The following ZNF678 variants were observed in gnomAD, a reference collection of about 807,000 sequenced individuals.
The protein encoded by ZNF678 is hypothetical protein MGC42493.
In ZNF678, 5 loss-of-function variants were observed where a neutral mutation model predicts 3.0. The observed-to-expected ratio is 1.69, with a 90% CI of 0.88 to 3.56. The LOEUF is 3.56. Ranked by LOEUF, ZNF678 falls within the 30% of genes most tolerant of loss-of-function variation. ZNF678 has a pLI of 0.00. For synonymous variants in ZNF678, 218 were observed against 199.6 expected (o/e 1.09, Z -0.78); for missense variants, 593 against 605.0 (o/e 0.98, Z 0.21).
chr1:227,645,516 T>A (rs1232940565), intron 1 of ZNF678, among the ~76,000 whole-genome samples: 1 of 152,208 alleles, frequency 6.6e-6, no homozygotes, highest in Non-Finnish European at 1.5e-5. Context: ...ATGTTTTATA[T>A]CCATTCAGGC....
At chr1:227,585,671 G>T (rs1654723649) in intron 1 of ZNF678, among the ~76,000 whole-genome samples, 1 of 152,106 alleles carries the variant, frequency 6.6e-6, no homozygotes, top group Admixed American at 6.5e-5. Context: ...TACTCAGGAG[G>T]CTGAGGCAAG....
chr1:227,654,630 G>A lies in ZNF678; in HGVS notation c.380G>A (p.Cys127Tyr). The part of the protein sequence containing the change: ...RIHTGEKPYK[C>Y]EECGKVFNRC... ...CATACTGGAGAGAAGCCATACAAATGTGAAGAATGTGGCAAAGTTTTCAAT... is the reference window on the plus strand; with the variant it reads ...CATACTGGAGAGAAGCCATACAAATATGAAGAATGTGGCAAAGTTTTCAAT... Residue 127 changes from cysteine (C) to tyrosine (Y), a missense_variant, in exon 4 of 4, where the codon TGT becomes TAT. Coordinates refer to ENST00000343776, the MANE Select transcript of ZNF678 (RefSeq NM_001367909.1). 1 of 1,613,330 alleles carries A rather than the reference G, an allele frequency of 6.2e-7. No individual in the cohort carries two copies. Among genetic ancestry groups the A allele is most frequent in the South Asian group, 1.1e-5 (1 of 91,046 alleles).
downstream of ZNF678, among the ~76,000 whole-genome samples, chr1:227,667,068 G>A (rs1337404435): frequency 1.3e-5 from 2 of 150,630 alleles, no homozygotes; most frequent in African/African-American, 4.9e-5. Context: ...TTTTTAAACA[G>A]AAACTCATTT....
rs115626803 is a variant in ZNF678 at position 227,640,547 on chromosome 1, A to G, written c.-163-5997A>G. Among the ~76,000 whole-genome samples the G allele has an allele frequency of 4.0e-3, 616 of 152,276 alleles. 6 individuals are homozygous for G. Among genetic ancestry groups the G allele is most frequent in the African/African-American group, 0.014 (585 of 41,558 alleles). On this transcript the variant is annotated intron_variant, in intron 1 of 3. Coordinates refer to ENST00000343776, the MANE Select transcript of ZNF678 (RefSeq NM_001367909.1). ...AGAGGTCGGGGTGTAATCTGAGTGC[A>G]AAAAGGCCCAGACATAAGGAATTTC... is the stretch of plus-strand genomic sequence containing the variant.
In ZNF678 at chr1:227,654,592, A is replaced by C. The variant is rs1659168971; in HGVS notation, c.342A>C (p.Glu114Asp). The C allele has an allele frequency of 1.1e-5, 18 of 1,613,458 alleles. No individual in the cohort carries two copies. Among genetic ancestry groups the C allele is most frequent in the Non-Finnish European group, 1.4e-5 (16 of 1,179,616 alleles). Residue 114 changes from glutamate (E) to aspartate (D), a missense_variant, in exon 4 of 4, where the codon GAA becomes GAC. Transcript: ENST00000343776. Reference sequence around the variant, plus strand: ...TTAGCTGGAGGTCAATCCTTACTGAACATAAGAGAATTCATACTGGAGAGA... The same window carrying C: ...TTAGCTGGAGGTCAATCCTTACTGACCATAAGAGAATTCATACTGGAGAGA... ...RNFSWRSILT[E>D]HKRIHTGEKP...
intron 1 of ZNF678, among the ~76,000 whole-genome samples, chr1:227,605,501 C>T (rs1467893501): frequency 6.6e-6 from 1 of 152,158 alleles, no homozygotes; most frequent in African/African-American, 2.4e-5. Context: ...GAATATTTGT[C>T]TTGTTCCCAA....
intron 2 of ZNF678, among the ~76,000 whole-genome samples, chr1:227,648,314 G>T (rs974962348): frequency 6.6e-6 from 1 of 151,836 alleles, no homozygotes; most frequent in Non-Finnish European, 1.5e-5. Flanking sequence ...ACACACATAC[G>T]CATGCATGCA....
intron 1 of ZNF678, among the ~76,000 whole-genome samples, chr1:227,637,574 C>A (rs1306052984): frequency 6.6e-6 from 1 of 152,008 alleles, no homozygotes; most frequent in Non-Finnish European, 1.5e-5. Flanking sequence ...CCATGCTGTT[C>A]ATCGGTATAG....
intron 1 of ZNF678, among the ~76,000 whole-genome samples, chr1:227,603,712 C>T (rs925676795): frequency 2.0e-5 from 3 of 152,180 alleles, no homozygotes; most frequent in Non-Finnish European, 4.4e-5. Flanking sequence ...GTGGGTGCTC[C>T]AGGTCTGTTG....
chr1:227,652,296 C>T (rs753323924), intron 3 of ZNF678, among the ~76,000 whole-genome samples: 4 of 152,110 alleles, frequency 2.6e-5, no homozygotes, highest in Non-Finnish European at 5.9e-5. Flanking sequence ...TTACTATTTG[C>T]ATGGAATCTT....
At chr1:227,606,885 C>T (rs924517973) in intron 1 of ZNF678, among the ~76,000 whole-genome samples, 5 of 152,164 alleles carry the variant, frequency 3.3e-5, no homozygotes, top group African/African-American at 1.2e-4. Context: ...TCTGTGAGCA[C>T]GGGGTTGGGG....
At chr1:227,646,488 AAGAAC>A in intron 1 of ZNF678, 51 bp from the exon 2 acceptor site, 1 of 1,341,386 alleles carries the variant, frequency 7.5e-7, no homozygotes, top group Non-Finnish European at 9.9e-7. Context: ...GAGTCAAATT[AAGAAC>A]TCTGCCCATG....
intron 1 of ZNF678, among the ~76,000 whole-genome samples, chr1:227,592,002 T>C (rs1171102793): frequency 2.6e-5 from 4 of 152,156 alleles, no homozygotes; most frequent in Admixed American, 2.0e-4. Flanking sequence ...AGAGTCACTT[T>C]GCAGGGGTTT....
chr1:227,570,125 G>A (rs781004964), intron 1 of ZNF678, among the ~76,000 whole-genome samples: 2 of 152,158 alleles, frequency 1.3e-5, no homozygotes, highest in Admixed American at 1.3e-4. Context: ...GGCTTTCTGT[G>A]GAGCAGGCAC....
At chr1:227,575,000 G>A (rs1285631256) in intron 1 of ZNF678, among the ~76,000 whole-genome samples, 1 of 152,108 alleles carries the variant, frequency 6.6e-6, no homozygotes, top group African/African-American at 2.4e-5. Flanking sequence ...CTGGAGTGCA[G>A]TGGCACCCAT....
intron 1 of ZNF678, 134 bp downstream of exon 1, chr1:227,563,858 G>C: frequency 2.5e-6 from 2 of 809,044 alleles, no homozygotes; most frequent in Middle Eastern, 4.8e-4. Context: ...CCAGGCCGCC[G>C]CGGGATTCTC....
In ZNF678 at chr1:227,654,524, A is replaced by G; in HGVS notation, c.274A>G (p.Thr92Ala). 7 of 1,613,396 alleles carry G rather than the reference A, an allele frequency of 4.3e-6. No individual in the cohort carries two copies. The highest frequency in any genetic ancestry group is 1.1e-5 in the South Asian group (1 of 91,060). ...CAATAGACTTACTCAATGTTCATCA[A>G]CTAAAAGCAAAATCTTTCAATGTAT... ...YCNRLTQCSS[T>A]KSKIFQCIEC... is the part of the protein sequence containing the mutation. The change falls in exon 4 of 4, where the codon ACT becomes GCT. Residue 92 changes from threonine (T) to alanine (A), a missense_variant. Thr to Ala is a moderately conservative substitution (Grantham distance 58). Transcript: ENST00000343776.
At chr1:227,663,276 A>G (rs1659444634), downstream of ZNF678, among the ~76,000 whole-genome samples, 1 of 152,260 alleles carries the variant, frequency 6.6e-6, no homozygotes, top group Non-Finnish European at 1.5e-5. Flanking sequence ...AGACACATAC[A>G]ATATGTTTCC....
intron 2 of ZNF678, among the ~76,000 whole-genome samples, chr1:227,648,307 C>T (rs1340729701): frequency 1.3e-5 from 2 of 152,102 alleles, no homozygotes; most frequent in African/African-American, 4.8e-5. Flanking sequence ...GGGGCATACA[C>T]ACATACGCAT....
Sources: gnomAD v4.1 joint callset for allele counts (sites outside exome capture counted in the v4.1 genomes callset) on GRCh38, gnomAD v4.1.1 for gene constraint, MANE v1.5 for transcripts, NCBI Gene and HGNC (gene_info 2026-07-23, HGNC 2026-07-21) for gene names.